DCDC1: variants seen among roughly 807,000 people sequenced by gnomAD.
DCDC1 encodes doublecortin domain containing 1.
Under a neutral mutation model 178.3 loss-of-function variants are expected in DCDC1, and 200 were observed. The observed-to-expected ratio is 1.12, with a 90% CI of 1.00 to 1.26. DCDC1 has a LOEUF of 1.26. DCDC1 is among the 50% of genes most tolerant of loss of function. The pLI is 0.00. For synonymous variants in DCDC1, 690 were observed against 604.8 expected, an observed-to-expected ratio of 1.14 and a Z score of -2.07; for missense variants, 1,983 against 1,749.2, an observed-to-expected ratio of 1.13 and a Z score of -2.38.
chr11:31,265,054 C>T (rs922231461), intron 8 of DCDC1, among the ~76,000 whole-genome samples: 10 of 152,022 alleles, frequency 6.6e-5, no homozygotes, highest in Non-Finnish European at 1.2e-4. Context: ...TACTGGAGTT[C>T]TTCCTAGTGG....
intron 12 of DCDC1, among the ~76,000 whole-genome samples, chr11:31,109,496 C>T (rs907450197): frequency 5.3e-5 from 8 of 152,080 alleles, no homozygotes; most frequent in Non-Finnish European, 1.5e-5. Flanking sequence ...TTCCTCTCTT[C>T]CAGGTCCAGC....
chr11:30,868,857 G>A (rs1216323802), intron 38 of DCDC1, among the ~76,000 whole-genome samples: 2 of 152,242 alleles, frequency 1.3e-5, no homozygotes, highest in African/African-American at 4.8e-5. Flanking sequence ...TAACCTGGGA[G>A]TGAGTTTACT....
chr11:31,022,483 G>A (rs1009432228), intron 20 of DCDC1, among the ~76,000 whole-genome samples: 1 of 147,442 alleles, frequency 6.8e-6, no homozygotes, highest in Non-Finnish European at 1.5e-5. Flanking sequence ...AGGTACTGGG[G>A]GTTATAACTT....
At chr11:31,238,578 G>A (rs960946386) in intron 9 of DCDC1, among the ~76,000 whole-genome samples, 2 of 151,910 alleles carry the variant, frequency 1.3e-5, no homozygotes, top group Non-Finnish European at 2.9e-5. Flanking sequence ...ACTAGAACTC[G>A]ACACAATGGC....
intron 2 of DCDC1, among the ~76,000 whole-genome samples, chr11:31,329,464 T>C (rs1056555474): frequency 9.2e-5 from 14 of 152,156 alleles, no homozygotes; most frequent in African/African-American, 3.1e-4. Context: ...TTGTTACATA[T>C]GTACACATGT....
intron 8 of DCDC1, among the ~76,000 whole-genome samples, chr11:31,245,743 T>A (rs186339831): frequency 6.6e-6 from 1 of 151,796 alleles, no homozygotes; most frequent in African/African-American, 2.4e-5. Flanking sequence ...AAAATTTAAA[T>A]GACAGAGCAA....
intron 7 of DCDC1, among the ~76,000 whole-genome samples, chr11:31,285,932 T>C (rs962654123): frequency 3.3e-5 from 5 of 152,152 alleles, no homozygotes; most frequent in African/African-American, 1.2e-4. Flanking sequence ...CTCATTCTAA[T>C]CTAACAACTA....
intron 38 of DCDC1, among the ~76,000 whole-genome samples, chr11:30,870,614 T>C (rs1941456787): frequency 6.6e-6 from 1 of 152,214 alleles, no homozygotes. Context: ...ATTTCCTGAA[T>C]GCCAATCAGA....
rs1961815446 is a variant in DCDC1 at position 31,127,534 on chromosome 11, A to G, written c.1420T>C (p.Tyr474His). Residue 474 changes from tyrosine (Y) to histidine (H), a missense_variant, in exon 11 of 39, where the codon TAT becomes CAT. Coordinates refer to ENST00000684477, the MANE Select transcript of DCDC1 (RefSeq NM_001387274.1). ...LQAEQEQFSS[Y>H]VYQHIKSLPA... ...AGGCTTTTAATGTGTTGGTAGACATAAGAGGAGAATTGCTCCTGCTCAGCC... is the reference window on the plus strand; with the variant it reads ...AGGCTTTTAATGTGTTGGTAGACATGAGAGGAGAATTGCTCCTGCTCAGCC... 12 of 702,636 alleles carry G rather than the reference A, an allele frequency of 1.7e-5. No individual in the cohort carries two copies. The highest frequency in any genetic ancestry group is 4.6e-4 in the Middle Eastern group (2 of 4,390). 43.5% of individuals were successfully genotyped at this position (702,636 alleles called of 1,614,324 possible).
intron 9 of DCDC1, among the ~76,000 whole-genome samples, chr11:31,146,892 C>A (rs1395116752): frequency 6.6e-6 from 1 of 152,102 alleles, no homozygotes; most frequent in East Asian, 1.9e-4. Flanking sequence ...ACATGAAAAC[C>A]AAGCGTGGTT....
chr11:31,288,748 T>C (rs374814624), intron 7 of DCDC1, among the ~76,000 whole-genome samples: 11 of 152,040 alleles, frequency 7.2e-5, no homozygotes, highest in Middle Eastern at 3.4e-3. Flanking sequence ...CTATGCCACT[T>C]ACTTATTTCT....
At chr11:30,917,384 A>G (rs369132886) in intron 25 of DCDC1, among the ~76,000 whole-genome samples, 78 of 152,312 alleles carry the variant, frequency 5.1e-4, no homozygotes, top group African/African-American at 1.8e-3. Context: ...TCTCTACCCC[A>G]TAATTGGGTC....
chr11:31,008,958 A>C (rs185905721), intron 20 of DCDC1, among the ~76,000 whole-genome samples: 1 of 152,338 alleles, frequency 6.6e-6, no homozygotes, highest in Admixed American at 6.5e-5. Flanking sequence ...TGAGCACTCA[A>C]AGCACAGGCA....
At chr11:31,028,851 A>T (rs184855608) in intron 20 of DCDC1, among the ~76,000 whole-genome samples, 3 of 152,144 alleles carry the variant, frequency 2.0e-5, no homozygotes, top group African/African-American at 7.2e-5. Context: ...TGGCAAACTA[A>T]AGGGTTTAGT....
intron 10 of DCDC1, among the ~76,000 whole-genome samples, chr11:31,132,854 C>T (rs1028941495): frequency 1.3e-5 from 2 of 152,172 alleles, no homozygotes; most frequent in African/African-American, 4.8e-5. Flanking sequence ...GGGAGAGTGA[C>T]AAATAAGCAG....
At chr11:31,077,560 T>C (rs1956941289) in intron 18 of DCDC1, among the ~76,000 whole-genome samples, 1 of 152,184 alleles carries the variant, frequency 6.6e-6, no homozygotes, top group African/African-American at 2.4e-5. Flanking sequence ...TAGATACTGA[T>C]AGTTTCCCAA....
At position 31,106,824 on chromosome 11, in the gene DCDC1, AT is replaced by A. The variant is rs1285644835; in HGVS notation, c.1723del (p.Ile575PhefsTer13). 2 of 766,144 alleles carry A rather than the reference AT, an allele frequency of 2.6e-6. No homozygotes were observed. The highest frequency in any genetic ancestry group is 4.8e-6 in the Non-Finnish European group (2 of 417,770). The allele number at this position is 766,144 out of a possible 1,614,324, so 47.5% of individuals were successfully genotyped here. On this transcript the variant is annotated frameshift_variant, in exon 13 of 39. Coordinates refer to ENST00000684477, the MANE Select transcript of DCDC1 (RefSeq NM_001387274.1). LOFTEE classifies it high-confidence loss of function. ...GTATGCTCTACCATAAGAGACCCAAATTTTTTGCTCATTCTTCAGCGAAAGT... is the reference window on the plus strand; with the variant it reads ...GTATGCTCTACCATAAGAGACCCAAATTTTTGCTCATTCTTCAGCGAAAGT... ...NPLSLKNEQK[I>X]WVSYGRAYRS...
At chr11:31,236,186 T>C (rs1290830784) in intron 9 of DCDC1, among the ~76,000 whole-genome samples, 2 of 152,104 alleles carry the variant, frequency 1.3e-5, no homozygotes, top group East Asian at 1.9e-4. Context: ...TCACTTCTTA[T>C]TTTATTCCAC....
chr11:31,105,917 A>G (rs1353300126), intron 13 of DCDC1, among the ~76,000 whole-genome samples: 1 of 152,194 alleles, frequency 6.6e-6, no homozygotes, highest in Non-Finnish European at 1.5e-5. Flanking sequence ...CTCTATATGA[A>G]AAATTATTTT....
Sources: gnomAD v4.1 joint callset for allele counts (sites outside exome capture counted in the v4.1 genomes callset) on GRCh38, gnomAD v4.1.1 for gene constraint, MANE v1.5 for transcripts, NCBI Gene and HGNC (gene_info 2026-07-23, HGNC 2026-07-21) for gene names.